The following SOX6 variants were observed in gnomAD, a reference collection of about 807,000 sequenced individuals.
SOX6 encodes transcription factor SOX-6.
In SOX6, 11 loss-of-function variants were observed where a neutral mutation model predicts 97.8. That is an observed-to-expected ratio of 0.11 (90% CI 0.07 to 0.19). The LOEUF is 0.19. SOX6 is among the 10% of genes least tolerant of loss of function. SOX6 has a pLI of 1.00. For synonymous variants in SOX6, 360 were observed against 371.4 expected (o/e 0.97, Z 0.35); for missense variants, 810 against 1,039.5 (o/e 0.78, Z 3.04).
In SOX6 at chr11:16,012,968, AAT is replaced by A. The variant is rs1417931060; in HGVS notation, c.1732+1972_1732+1973del. On this transcript the variant is annotated intron_variant, in intron 13 of 15. Coordinates refer to ENST00000683767, the MANE Select transcript of SOX6 (RefSeq NM_001367873.1). ...CTAGGCATTGAATAGAATATCCAAA[AAT>A]ATTTATATGCAGTATGTTTCTCTAG... Among the ~76,000 whole-genome samples the A allele has an allele frequency of 7.2e-5, 11 of 152,172 alleles. No individual in the cohort carries two copies. The East Asian group carries it at 2.1e-3, about 30-fold the overall frequency.
intron 7 of SOX6, among the ~76,000 whole-genome samples, chr11:16,109,760 G>C (rs926083443): frequency 6.6e-6 from 1 of 152,112 alleles, no homozygotes; most frequent in African/African-American, 2.4e-5. Flanking sequence ...GAAAGAATTA[G>C]AGTTCTGATT....
At chr11:16,048,826 C>G (rs1278633089) in intron 11 of SOX6, among the ~76,000 whole-genome samples, 1 of 151,346 alleles carries the variant, frequency 6.6e-6, no homozygotes, top group Non-Finnish European at 1.5e-5. Context: ...TCTTAATTTC[C>G]AAAGAGTATA....
At chr11:16,442,805 T>C (rs1859530586) in intron 1 of SOX6, among the ~76,000 whole-genome samples, 1 of 152,154 alleles carries the variant, frequency 6.6e-6, no homozygotes, top group South Asian at 2.1e-4. Flanking sequence ...TCTCATCTAC[T>C]GTAAGAAAGG....
chr11:16,171,503 T>C (rs1187795474), intron 6 of SOX6, among the ~76,000 whole-genome samples: 2 of 152,070 alleles, frequency 1.3e-5, no homozygotes, highest in Non-Finnish European at 2.9e-5. Context: ...TACATTCATA[T>C]TTTTGTATCC....
At chr11:16,721,338 T>C (rs764321606) in intron 2 of SOX6, among the ~76,000 whole-genome samples, 3 of 152,142 alleles carry the variant, frequency 2.0e-5, no homozygotes, top group South Asian at 2.1e-4. Flanking sequence ...CTATGGGTGA[T>C]AGGATTAGGT....
At position 16,604,168 on chromosome 11, in the gene SOX6, T is replaced by G. The variant is rs556552761; in HGVS notation, n.609+7913A>C. ...GCTTTTCCCACAGCCTCTCGAACTT[T>G]GTGCAAGAATGTGGCCTAGGGAGGC... On this transcript the variant is annotated intron_variant and non_coding_transcript_variant, in intron 4 of 5. Transcript: ENST00000524520. Among the ~76,000 whole-genome samples the G allele has an allele frequency of 2.2e-4, 33 of 152,344 alleles. No homozygotes were observed. The South Asian group carries it at 6.6e-3, about 31-fold the overall frequency.
chr11:16,423,332 C>T (rs1590197361), intron 1 of SOX6, among the ~76,000 whole-genome samples: 1 of 152,122 alleles, frequency 6.6e-6, no homozygotes, highest in East Asian at 1.9e-4. Flanking sequence ...CCTTCTCTGA[C>T]AACCCTATAA....
chr11:16,171,432 AAC>A (rs1362493776), intron 6 of SOX6, among the ~76,000 whole-genome samples: 33 of 152,068 alleles, frequency 2.2e-4, no homozygotes, highest in Non-Finnish European at 2.1e-4. Context: ...GCTCTGTACA[AAC>A]ACAGAACGGT....
intron 15 of SOX6, among the ~76,000 whole-genome samples, chr11:15,975,254 T>C (rs536129617): frequency 6.6e-6 from 1 of 152,342 alleles, no homozygotes; most frequent in African/African-American, 2.4e-5. Flanking sequence ...AGTATACTTC[T>C]GGCTTCCTAA....
chr11:16,724,341 T>C (rs1475839344), intron 2 of SOX6, among the ~76,000 whole-genome samples: 3 of 152,214 alleles, frequency 2.0e-5, no homozygotes, highest in East Asian at 1.9e-4. Context: ...AGTTTCCTGA[T>C]CTGTAAAACA....
intron 9 of SOX6, among the ~76,000 whole-genome samples, chr11:16,063,976 G>A (rs1848029494): frequency 6.6e-6 from 1 of 151,552 alleles, no homozygotes; most frequent in African/African-American, 2.4e-5. Flanking sequence ...AGATTATGAT[G>A]TGACTGCTAT....
At chr11:16,061,923 T>A (rs982882593) in intron 9 of SOX6, among the ~76,000 whole-genome samples, 8 of 151,726 alleles carry the variant, frequency 5.3e-5, no homozygotes, top group Admixed American at 2.6e-4. Flanking sequence ...AATGTAAGAC[T>A]GAAACTATTA....
chr11:16,389,256 T>C (rs1223207267), intron 1 of SOX6, among the ~76,000 whole-genome samples: 1 of 152,052 alleles, frequency 6.6e-6, no homozygotes, highest in African/African-American at 2.4e-5. Flanking sequence ...CTAGTTTTAT[T>C]ATTTTGTAGA....
At chr11:16,654,013 G>A (rs1847690456) in intron 3 of SOX6, among the ~76,000 whole-genome samples, 1 of 151,874 alleles carries the variant, frequency 6.6e-6, no homozygotes, top group Admixed American at 6.6e-5. Flanking sequence ...ATTAATGTTT[G>A]TTCTAACCAT....
intron 3 of SOX6, among the ~76,000 whole-genome samples, chr11:16,664,980 A>T (rs891389456): frequency 6.6e-6 from 1 of 151,794 alleles, no homozygotes; most frequent in Non-Finnish European, 1.5e-5. Flanking sequence ...GAAGGTAAGG[A>T]CCCAGTCTTG....
intron 3 of SOX6, among the ~76,000 whole-genome samples, chr11:16,276,575 C>T (rs542786646): frequency 2.0e-5 from 3 of 152,258 alleles, no homozygotes; most frequent in Non-Finnish European, 2.9e-5. Context: ...AATAATTCTT[C>T]GTCATGCACC....
chr11:16,284,119 C>T (rs1028813465), intron 3 of SOX6, among the ~76,000 whole-genome samples: 1 of 152,226 alleles, frequency 6.6e-6, no homozygotes, highest in Non-Finnish European at 1.5e-5. Flanking sequence ...TACCTTCTCT[C>T]TCAAGTCTAT....
At chr11:16,571,283 T>C (rs1407220091) in intron 4 of SOX6, among the ~76,000 whole-genome samples, 2 of 152,226 alleles carry the variant, frequency 1.3e-5, no homozygotes, top group Non-Finnish European at 2.9e-5. Context: ...CAGAGCTCCG[T>C]AGGCATTTTA....
chr11:16,103,868 G>A (rs1849010224), intron 7 of SOX6, among the ~76,000 whole-genome samples: 1 of 151,422 alleles, frequency 6.6e-6, no homozygotes, highest in South Asian at 2.1e-4. Flanking sequence ...TTTGGGGATT[G>A]GGGGAAAGGT....
Sources: allele counts gnomAD v4.1 joint callset (sites outside exome capture counted in the v4.1 genomes callset), GRCh38; gene constraint gnomAD v4.1.1; transcripts MANE v1.5; gene names NCBI Gene and HGNC (gene_info 2026-07-23, HGNC 2026-07-21).